GLIS3: variants seen among roughly 807,000 people sequenced by gnomAD.
GLIS3 encodes the protein GLIS family zinc finger 3.
A neutral mutation model predicts 78.6 loss-of-function variants in GLIS3; 53 were observed. The observed-to-expected ratio is 0.67, with a 90% CI of 0.54 to 0.85. The LOEUF is 0.85. Ranked by LOEUF, GLIS3 falls within the 40% of genes least tolerant of loss-of-function variation. The probability of loss-of-function intolerance (pLI) is 0.00; values close to 1 mark genes in which losing one functional copy is unlikely to be tolerated. For missense variants in GLIS3, 1,703 were observed against 1,231.1 expected (o/e 1.38, Z -5.74); for synonymous variants, 684 against 509.9 (o/e 1.34, Z -4.60).
At chr9:3,960,770 T>A (rs1416889162) in intron 4 of GLIS3, among the ~76,000 whole-genome samples, 1 of 152,226 alleles carries the variant, frequency 6.6e-6, no homozygotes, top group Non-Finnish European at 1.5e-5. Flanking sequence ...AGGTCAGCAC[T>A]ACCCACTGGT....
At chr9:4,250,255 T>C (rs1014511873) in intron 2 of GLIS3, among the ~76,000 whole-genome samples, 16 of 152,306 alleles carry the variant, frequency 1.1e-4, no homozygotes, top group African/African-American at 3.8e-4. Context: ...GTCCTGGGCT[T>C]TTTTTGGTTG....
At chr9:4,327,423 T>A (rs1251514316) in intron 2 of GLIS3, among the ~76,000 whole-genome samples, 1 of 152,030 alleles carries the variant, frequency 6.6e-6, no homozygotes, top group Non-Finnish European at 1.5e-5. Flanking sequence ...GGGAGATCAG[T>A]TAGGAGGGTC....
In GLIS3 at chr9:3,860,185, G is replaced by C. The variant is rs568228545; in HGVS notation, c.2298-4001C>G. ...AGCTACTCAGGAGGCTGAGGCAGGA[G>C]AATGGCGTGAATCCGGGAGGCGGAG... On this transcript the variant is annotated intron_variant, in intron 8 of 10. Transcript: ENST00000381971. Among the ~76,000 whole-genome samples the C allele has an allele frequency of 3.3e-4, 49 of 147,586 alleles. No homozygotes were observed. The South Asian group carries it at 9.0e-3, about 27-fold the overall frequency.
chr9:4,437,458 ATCTATCTATC>A, the GLIS3 span, among the ~76,000 whole-genome samples: 24,198 of 151,688 alleles, frequency 0.16, 2,205 homozygotes, highest in Middle Eastern at 0.26. Context: ...CTATCTATCT[ATCTATCTATC>A]TATATATCAT....
At chr9:4,419,848 A>G in the GLIS3 span, among the ~76,000 whole-genome samples, 1 of 152,100 alleles carries the variant, frequency 6.6e-6, no homozygotes, top group Admixed American at 6.6e-5. Flanking sequence ...TCACTATCTC[A>G]ATGACATTAC....
chr9:4,094,216 A>T (rs1372491755), intron 4 of GLIS3, among the ~76,000 whole-genome samples: 1 of 152,218 alleles, frequency 6.6e-6, no homozygotes, highest in East Asian at 1.9e-4. Context: ...TGGGTCATCA[A>T]ATTATTAAGA....
At chr9:4,032,154 G>A (rs1335251478) in intron 4 of GLIS3, among the ~76,000 whole-genome samples, 2 of 152,178 alleles carry the variant, frequency 1.3e-5, no homozygotes, top group African/African-American at 4.8e-5. Flanking sequence ...TGTGCAGACT[G>A]CCTGATGTAT....
At chr9:3,962,841 T>C (rs993945420) in intron 4 of GLIS3, among the ~76,000 whole-genome samples, 68 of 151,946 alleles carry the variant, frequency 4.5e-4, no homozygotes, top group Non-Finnish European at 8.8e-4. Context: ...AGCTAAAAAC[T>C]TGGCAAATGG....
chr9:3,850,403 G>T (rs1318483503), intron 9 of GLIS3, among the ~76,000 whole-genome samples: 2 of 152,218 alleles, frequency 1.3e-5, no homozygotes, highest in Non-Finnish European at 2.9e-5. Flanking sequence ...GGACGTTTTT[G>T]TTCTCTTCTC....
At chr9:3,852,275 T>C (rs1235335082) in intron 9 of GLIS3, among the ~76,000 whole-genome samples, 1 of 152,178 alleles carries the variant, frequency 6.6e-6, no homozygotes, top group Non-Finnish European at 1.5e-5. Flanking sequence ...TCTCTAAAAA[T>C]ACAGTGATGG....
chr9:3,915,108 G>A (rs1297475670), intron 6 of GLIS3, among the ~76,000 whole-genome samples: 1 of 152,144 alleles, frequency 6.6e-6, no homozygotes, highest in Non-Finnish European at 1.5e-5. Context: ...TTGGAGAAGT[G>A]CCTCAGGGTG....
At chr9:3,857,716 A>C (rs1254038301) in intron 8 of GLIS3, among the ~76,000 whole-genome samples, 3 of 152,194 alleles carry the variant, frequency 2.0e-5, no homozygotes, top group African/African-American at 7.2e-5. Flanking sequence ...GTGCTGAGTA[A>C]ATACACATTT....
intron 2 of GLIS3, among the ~76,000 whole-genome samples, chr9:4,341,092 TG>T (rs1253349908): frequency 2.0e-5 from 3 of 152,244 alleles, no homozygotes; most frequent in Non-Finnish European, 4.4e-5. Context: ...TTATCTCTTC[TG>T]GTCCAATGGT....
At chr9:4,392,236 G>C in the GLIS3 span, among the ~76,000 whole-genome samples, 1 of 151,576 alleles carries the variant, frequency 6.6e-6, no homozygotes, top group Admixed American at 6.6e-5. Flanking sequence ...ACTAGGGCCT[G>C]TCGTGGGGCG....
At chr9:4,284,122 C>T (rs1563895292) in intron 2 of GLIS3, among the ~76,000 whole-genome samples, 1 of 152,212 alleles carries the variant, frequency 6.6e-6, no homozygotes, top group Non-Finnish European at 1.5e-5. Context: ...TATTCCCAAG[C>T]TCCTTACTGG....
Position 4,314,094 on chromosome 9 carries a change from C to T in GLIS3, n.265-3566G>A, listed in dbSNP as rs561644119. On this transcript the variant is annotated intron_variant and non_coding_transcript_variant, in intron 2 of 4. Transcript: ENST00000471664. The stretch of plus-strand genomic sequence containing the variant: ...TGTGACCCGGGGCAAGTAACTTAAC[C>T]TTTGTGTGCCTCAGTTTTCTCAGCA... 2.8e-3 allele frequency among the ~76,000 whole-genome samples: 426 copies of T among 152,254 alleles called. 1 individual carries two copies. Among genetic ancestry groups the T allele is most frequent in the South Asian group, 4.4e-3 (21 of 4,820 alleles).
chr9:4,028,445 G>C (rs942823210), intron 4 of GLIS3, among the ~76,000 whole-genome samples: 6 of 152,040 alleles, frequency 3.9e-5, no homozygotes, highest in Non-Finnish European at 8.8e-5. Context: ...AGAGCATATA[G>C]GACACTGAGA....
chr9:4,471,058 G>A, the GLIS3 span, among the ~76,000 whole-genome samples: 3 of 151,860 alleles, frequency 2.0e-5, no homozygotes, highest in Non-Finnish European at 4.4e-5. Flanking sequence ...GGGATGTGAA[G>A]GACCTCTTCA....
At chr9:4,270,182 C>G (rs1826375845) in intron 2 of GLIS3, among the ~76,000 whole-genome samples, 1 of 152,212 alleles carries the variant, frequency 6.6e-6, no homozygotes, top group Non-Finnish European at 1.5e-5. Context: ...ACTGCTGACT[C>G]TTAGAGCCTA....
Sources: gnomAD v4.1 joint callset for allele counts (sites outside exome capture counted in the v4.1 genomes callset) on GRCh38, gnomAD v4.1.1 for gene constraint, MANE v1.5 for transcripts, NCBI Gene and HGNC (gene_info 2026-07-23, HGNC 2026-07-21) for gene names.